PRMT8: variants seen among roughly 807,000 people sequenced by gnomAD.
PRMT8 encodes the protein protein arginine methyltransferase 8.
Under a neutral mutation model 47.1 loss-of-function variants are expected in PRMT8, and 7 were observed. The ratio of observed to expected loss-of-function variants is 0.15; its 90% CI spans 0.08 to 0.28. The LOEUF is 0.28. PRMT8 is among the 10% of genes least tolerant of loss of function. PRMT8 has a pLI of 1.00. For synonymous variants in PRMT8, 188 were observed against 186.5 expected (o/e 1.01, Z -0.07); for missense variants, 237 against 505.4 (o/e 0.47, Z 5.09).
chr12:3,553,129 A>G, intron 3 of PRMT8: 1 of 202,796 alleles, frequency 4.9e-6, no homozygotes, highest in Non-Finnish European at 1.0e-5. Flanking sequence ...GCGAGAGCTA[A>G]CGTGGGGGGT....
chr12:3,568,680 A>G (rs751211972), intron 4 of PRMT8, 26 bp from the exon 5 acceptor site: 33 of 1,613,960 alleles, frequency 2.0e-5, no homozygotes, highest in Admixed American at 5.0e-5. Flanking sequence ...CCTGCAAAGT[A>G]TGGCCCTGGG....
rs539801675 is a variant in PRMT8, at chr12:3,407,544, GCT to G, written c.48+26107_48+26108del. Among the ~76,000 whole-genome samples the G allele has an allele frequency of 1.6e-3, 241 of 152,166 alleles. 2 individuals carry two copies. Among genetic ancestry groups the G allele is most frequent in the Non-Finnish European group, 2.7e-3 (187 of 68,006 alleles). ...GCTTTTTTCTTGCTGCTTTTAAAATGCTCTCTTTGTCCTTGACTTTTGACTAT... is the reference window on the plus strand; with the variant it reads ...GCTTTTTTCTTGCTGCTTTTAAAATGCTCTTTGTCCTTGACTTTTGACTAT... On this transcript the variant is annotated intron_variant, in intron 1 of 9. Coordinates refer to the PRMT8 transcript ENST00000452611.
chr12:3,545,305 G>T (rs543227007), intron 2 of PRMT8, among the ~76,000 whole-genome samples: 2 of 152,308 alleles, frequency 1.3e-5, no homozygotes, highest in South Asian at 4.1e-4. Flanking sequence ...GTGCTGTATG[G>T]TTTTCCGGCT....
chr12:3,458,501 C>T (rs1320096385), intron 1 of PRMT8, among the ~76,000 whole-genome samples: 1 of 152,212 alleles, frequency 6.6e-6, no homozygotes, highest in Non-Finnish European at 1.5e-5. Flanking sequence ...AGGTCAGACC[C>T]ATCCAGGATC....
At chr12:3,478,299 TCTATCTATCTAC>T (rs1407198778) in intron 1 of PRMT8, among the ~76,000 whole-genome samples, 1 of 148,238 alleles carries the variant, frequency 6.7e-6, no homozygotes, top group East Asian at 2.0e-4. Context: ...TATCTATCTA[TCTATCTATCTAC>T]CTACCTATCT....
At chr12:3,560,958 C>CATTTG (rs1171780707) in intron 4 of PRMT8, among the ~76,000 whole-genome samples, 4 of 152,158 alleles carry the variant, frequency 2.6e-5, no homozygotes, top group African/African-American at 9.7e-5. Flanking sequence ...GCTCAAATGT[C>CATTTG]AGCTACAGGT....
chr12:3,586,711 C>T (rs1343083406), intron 8 of PRMT8, among the ~76,000 whole-genome samples: 1 of 152,238 alleles, frequency 6.6e-6, no homozygotes. Flanking sequence ...CATGCTCCAG[C>T]TTAAGGACCA....
intron 1 of PRMT8, among the ~76,000 whole-genome samples, chr12:3,473,038 C>T (rs1316878552): frequency 2.0e-5 from 3 of 152,170 alleles, no homozygotes; most frequent in Non-Finnish European, 4.4e-5. Context: ...TTCAAACATG[C>T]CCCAGGCGCT....
intron 1 of PRMT8, among the ~76,000 whole-genome samples, chr12:3,452,490 G>A (rs920839646): frequency 6.6e-6 from 1 of 152,060 alleles, no homozygotes; most frequent in African/African-American, 2.4e-5. Flanking sequence ...TGTCCTAAGC[G>A]GTCTCCTCGG....
chr12:3,517,746 C>T (rs1368181435), intron 1 of PRMT8, among the ~76,000 whole-genome samples: 1 of 152,006 alleles, frequency 6.6e-6, no homozygotes, highest in Admixed American at 6.5e-5. Flanking sequence ...AACTTAAAAA[C>T]CCCTTCTAAC....
intron 1 of PRMT8, among the ~76,000 whole-genome samples, chr12:3,432,736 C>T (rs1864695195): frequency 6.6e-6 from 1 of 152,128 alleles, no homozygotes; most frequent in Non-Finnish European, 1.5e-5. Context: ...TGTTCTCTAG[C>T]TCCAAGAAAA....
chr12:3,430,150 G>A lies in PRMT8; in HGVS notation c.48+48708G>A, dbSNP rs971303425. 2.6e-5 allele frequency among the ~76,000 whole-genome samples: 4 copies of A among 152,190 alleles called. No individual in the cohort carries two copies. The South Asian group carries it at 6.2e-4, about 24-fold the overall frequency. ...CTAAGAGGGTCAGTATGAAAGGGTC[G>A]TAATTGATTGAGCAAGTGGGGATAT... On this transcript the variant is annotated intron_variant, in intron 1 of 9. Transcript: ENST00000452611.
intron 8 of PRMT8, among the ~76,000 whole-genome samples, chr12:3,586,719 C>T (rs1410062191): frequency 1.3e-5 from 2 of 152,220 alleles, no homozygotes; most frequent in Non-Finnish European, 2.9e-5. Flanking sequence ...AGCTTAAGGA[C>T]CACTGCCTCT....
chr12:3,438,280 C>T (rs952515347), intron 1 of PRMT8, among the ~76,000 whole-genome samples: 5 of 152,214 alleles, frequency 3.3e-5, no homozygotes, highest in Admixed American at 6.5e-5. Context: ...TTTAGTCATT[C>T]GCGGTTTCAG....
At chr12:3,422,790 C>G in intron 1 of PRMT8, among the ~76,000 whole-genome samples, 1 of 152,198 alleles carries the variant, frequency 6.6e-6, no homozygotes, top group African/African-American at 2.4e-5. Flanking sequence ...TTACTTCTTT[C>G]TTTGGAGGCA....
chr12:3,470,162 C>T (rs1865144552), intron 1 of PRMT8, among the ~76,000 whole-genome samples: 1 of 152,076 alleles, frequency 6.6e-6, no homozygotes, highest in South Asian at 2.1e-4. Context: ...AATATTGAAA[C>T]CCCTGGTTTC....
At chr12:3,530,702 C>T (rs528957867) in intron 1 of PRMT8, among the ~76,000 whole-genome samples, 1 of 152,310 alleles carries the variant, frequency 6.6e-6, no homozygotes, top group East Asian at 1.9e-4. Context: ...GCCAGCAGAA[C>T]AGGGCTCTAC....
rs570230105 is a variant in PRMT8, at chr12:3,567,940, G to A, written c.482-766G>A. On this transcript the variant is annotated intron_variant, in intron 4 of 9. Coordinates refer to ENST00000382622, the MANE Select transcript of PRMT8 (RefSeq NM_019854.5). ...AATACAAAATTAGCCGGGCGTGGTG[G>A]CACATGCCTGTAATCCCAGCTACTT... Among the ~76,000 whole-genome samples the A allele has an allele frequency of 2.0e-5, 3 of 152,248 alleles. No individual in the cohort carries two copies. The South Asian group carries it at 6.2e-4, about 32-fold the overall frequency.
chr12:3,569,093 A>G lies in PRMT8; in HGVS notation c.624+245A>G, dbSNP rs1385461031. Among the ~76,000 whole-genome samples, 1 of 152,094 alleles carries G rather than the reference A, an allele frequency of 6.6e-6. No individual in the cohort carries two copies. The highest frequency in any genetic ancestry group is 1.9e-4 in the East Asian group (1 of 5,184). On this transcript the variant is annotated intron_variant, in intron 5 of 9. Transcript: ENST00000382622. This position sits in a 1 kb window ranked among gnomAD's most constrained non-coding sequence, Gnocchi z 8.2. ...ACCGCAGCCTCTTTTGCAATAACAGACATCCGTTCTCTCTTGTCGAGTTAA... is the reference window on the plus strand; with the variant it reads ...ACCGCAGCCTCTTTTGCAATAACAGGCATCCGTTCTCTCTTGTCGAGTTAA...
Sources: allele counts gnomAD v4.1 joint callset (sites outside exome capture counted in the v4.1 genomes callset), GRCh38; gene constraint gnomAD v4.1.1; non-coding constraint Gnocchi (gnomAD v3.1); transcripts MANE v1.5; gene names NCBI Gene and HGNC (gene_info 2026-07-23, HGNC 2026-07-21).